Variants in DNAH3 observed in about 807,000 individuals in gnomAD.
The protein encoded by DNAH3 is axonemal beta dynein heavy chain 3.
In DNAH3, 332 loss-of-function variants were observed where a neutral mutation model predicts 432.5. The observed-to-expected ratio is 0.77, with a 90% CI of 0.70 to 0.84. DNAH3 has a LOEUF of 0.84. Ranked by LOEUF, DNAH3 falls within the 40% of genes least tolerant of loss-of-function variation. The pLI is 0.00. For missense variants in DNAH3, 4,861 were observed against 5,114.0 expected (o/e 0.95, Z 1.51); for synonymous variants, 1,956 against 1,900.2 (o/e 1.03, Z -0.76).
exon 5 of DNAH3, chr16:21,140,664 C>T: frequency 6.2e-7 from 1 of 1,614,140 alleles, no homozygotes; most frequent in Non-Finnish European, 8.5e-7. Flanking sequence ...GTCTTTACCT[C>T]CTTCTTCATG....
chr16:21,072,904 G>A (rs941250298), intron 21 of DNAH3, among the ~76,000 whole-genome samples: 2 of 151,308 alleles, frequency 1.3e-5, no homozygotes, highest in East Asian at 1.9e-4. Flanking sequence ...GGCTGTTCTC[G>A]AACTCCTGAG....
At chr16:21,151,887 T>G (rs1357180545) in intron 1 of DNAH3, among the ~76,000 whole-genome samples, 1 of 152,070 alleles carries the variant, frequency 6.6e-6, no homozygotes, top group Non-Finnish European at 1.5e-5. Context: ...TTTTTTTCAT[T>G]CAATTTCCCC....
Position 21,087,073 on chromosome 16 carries a change from A to T in DNAH3, c.2666-13T>A. On this transcript the variant is annotated splice_polypyrimidine_tract_variant and intron_variant, in intron 18 of 61. Coordinates refer to ENST00000261383, the Ensembl canonical transcript of DNAH3. The stretch of plus-strand genomic sequence containing the variant: ...AAGAAGAGGGGTCCTGAAATAGAAG[A>T]GTGAGGGAAAGGTCAGACCATCATG... The T allele has an allele frequency of 3.7e-6, 6 of 1,605,816 alleles. No individual in the cohort carries two copies. The highest frequency in any genetic ancestry group is 5.1e-6 in the Non-Finnish European group (6 of 1,173,136).
intron 25 of DNAH3, 110 bp from the exon 26 acceptor site, chr16:21,060,466 C>T: frequency 2.9e-6 from 2 of 690,244 alleles, no homozygotes; most frequent in Non-Finnish European, 5.0e-6. Flanking sequence ...ATGCCAAAGG[C>T]TTGGCACCTT....
chr16:21,117,072 T>G (rs2092221003), intron 12 of DNAH3, 131 bp downstream of exon 12: 1 of 623,424 alleles, frequency 1.6e-6, no homozygotes, highest in South Asian at 2.1e-5. Context: ...AATACTCATG[T>G]AAGTATTGGC....
chr16:20,987,655 T>G (rs374031425), intron 46 of DNAH3, 38 bp downstream of exon 46: 1 of 1,607,322 alleles, frequency 6.2e-7, no homozygotes, highest in African/African-American at 1.3e-5. Flanking sequence ...GCCAAGGATA[T>G]GCTGAATGAT....
chr16:20,939,561 G>A (rs533193825), intron 59 of DNAH3, among the ~76,000 whole-genome samples: 96 of 150,680 alleles, frequency 6.4e-4, no homozygotes, highest in African/African-American at 2.2e-3. Flanking sequence ...GCAGTGAGCC[G>A]AGATCGCGCC....
intron 50 of DNAH3, among the ~76,000 whole-genome samples, chr16:20,975,893 C>T (rs1471867807): frequency 1.3e-5 from 2 of 151,814 alleles, no homozygotes; most frequent in African/African-American, 4.8e-5. Context: ...TACAGTCACA[C>T]ACCACCACGC....
chr16:21,080,359 GA>G (rs35086990), intron 20 of DNAH3, among the ~76,000 whole-genome samples: 66,834 of 152,026 alleles, frequency 0.44, 14,654 homozygotes, highest in East Asian at 0.48. Context: ...AATATTAAAA[GA>G]CACAGGTGAA....
At chr16:21,085,632 T>C (rs937356737) in intron 19 of DNAH3, among the ~76,000 whole-genome samples, 1 of 152,066 alleles carries the variant, frequency 6.6e-6, no homozygotes, top group African/African-American at 2.4e-5. Flanking sequence ...TCAAGACTTT[T>C]TGGGAAACTG....
chr16:21,117,099 G>A lies in DNAH3; in HGVS notation c.1814+104C>T, dbSNP rs1207825195. On this transcript the variant is annotated intron_variant, in intron 12 of 61. Transcript: ENST00000261383. ...AGTATTGGCTATTCTTACTATGTAT[G>A]TGTTCAGGTGTTTGGGAACAGGAAT... is the stretch of plus-strand genomic sequence containing the variant. The A allele has an allele frequency of 4.3e-6, 3 of 703,918 alleles. No individual in the cohort carries two copies. In the African/African-American group the frequency reaches 5.4e-5, roughly 13 times the overall value. 43.6% of individuals were successfully genotyped at this position (703,918 alleles called of 1,614,324 possible). A position where few individuals can be genotyped will look rare whatever the true frequency, so the allele number is the denominator to read the frequency against.
intron 42 of DNAH3, 139 bp downstream of exon 42, chr16:21,002,965 T>A: frequency 1.5e-6 from 1 of 661,660 alleles, no homozygotes; most frequent in South Asian, 1.7e-5. Context: ...TTTTTGAAGG[T>A]CCACTGCAGC....
At chr16:20,994,702 A>T (rs919780521) in intron 44 of DNAH3, among the ~76,000 whole-genome samples, 1 of 152,132 alleles carries the variant, frequency 6.6e-6, no homozygotes, top group Admixed American at 6.5e-5. Context: ...GTCTCTGTCA[A>T]TTTGACTACT....
chr16:21,022,486 T>TA (rs1036013078), intron 39 of DNAH3, among the ~76,000 whole-genome samples: 5 of 152,186 alleles, frequency 3.3e-5, no homozygotes, highest in Admixed American at 6.5e-5. Flanking sequence ...ACTGTTATGT[T>TA]AGACACTGGT....
intron 20 of DNAH3, among the ~76,000 whole-genome samples, chr16:21,078,613 A>G (rs2152770650): frequency 6.6e-6 from 1 of 152,358 alleles, no homozygotes; most frequent in South Asian, 2.1e-4. Flanking sequence ...GACAGGCCTC[A>G]GGTCCCCATA....
intron 2 of DNAH3, 116 bp downstream of exon 3, chr16:21,145,868 G>C: frequency 2.8e-6 from 2 of 707,296 alleles, no homozygotes; most frequent in Non-Finnish European, 2.5e-6. Context: ...AATCCTACTT[G>C]TCAGGTCTGT....
At chr16:21,157,818 A>T (rs1005331317) in intron 1 of DNAH3, among the ~76,000 whole-genome samples, 2 of 151,764 alleles carry the variant, frequency 1.3e-5, no homozygotes, top group Non-Finnish European at 2.9e-5. Context: ...TTAGTCACAC[A>T]GTAAGTTGCC....
chr16:21,116,218 A>C lies in DNAH3; in HGVS notation c.1814+985T>G, dbSNP rs188677385. ...TTGTCTCACTTTGGAAGCTATTTACAGGATCACCCTAAACTAGTGTGATAT... is the reference window on the plus strand; with the variant it reads ...TTGTCTCACTTTGGAAGCTATTTACCGGATCACCCTAAACTAGTGTGATAT... On this transcript the variant is annotated intron_variant, in intron 12 of 61. Coordinates refer to ENST00000261383, the Ensembl canonical transcript of DNAH3. Among the ~76,000 whole-genome samples the C allele has an allele frequency of 4.6e-5, 7 of 152,252 alleles. No individual in the cohort carries two copies. The East Asian group carries it at 1.4e-3, about 29-fold the overall frequency.
chr16:21,111,672 G>T (rs746501254), exon 14 of DNAH3: 1 of 1,613,832 alleles, frequency 6.2e-7, no homozygotes, highest in South Asian at 1.1e-5. Flanking sequence ...TGAATCAGAT[G>T]GTCTTTAAGA....
Sources: allele counts gnomAD v4.1 joint callset (sites outside exome capture counted in the v4.1 genomes callset), GRCh38; gene constraint gnomAD v4.1.1; transcripts MANE v1.5; gene names NCBI Gene and HGNC (gene_info 2026-07-23, HGNC 2026-07-21).